The following NOX5 variants were observed in gnomAD, a reference collection of about 807,000 sequenced individuals.
The protein encoded by NOX5 is NADPH oxidase, EF-hand calcium binding domain 5.
NOX5 carries 76 observed loss-of-function variants against 85.7 expected under a neutral mutation model. The observed-to-expected ratio is 0.89, with a 90% CI of 0.74 to 1.07. The LOEUF is 1.07. NOX5 is among the 50% of genes least tolerant of loss of function. The pLI, the probability that NOX5 is intolerant of heterozygous loss-of-function variation, is 0.00. For synonymous variants in NOX5, 405 were observed against 401.4 expected (o/e 1.01, Z -0.11); for missense variants, 973 against 999.5 (o/e 0.97, Z 0.36).
At position 69,056,555 on chromosome 15, in the gene NOX5, C is replaced by T. The variant is rs1195580208; in HGVS notation, c.2167-10C>T. 2 of 1,612,006 alleles carry T rather than the reference C, an allele frequency of 1.2e-6. No individual in the cohort carries two copies. Among genetic ancestry groups the T allele is most frequent in the Non-Finnish European group, 8.5e-7 (1 of 1,179,750 alleles). On this transcript the variant is annotated splice_polypyrimidine_tract_variant and intron_variant, in intron 15 of 15. Transcript: ENST00000388866. ...TTCCCTCTTCTCTTCCTCAACCCCACTGACTCCAGGTGTTCCAGAAAGTGG... is the reference window on the plus strand; with the variant it reads ...TTCCCTCTTCTCTTCCTCAACCCCATTGACTCCAGGTGTTCCAGAAAGTGG...
At position 69,056,786 on chromosome 15, in the gene NOX5, T is replaced by A; in HGVS notation, c.*90T>A. On this transcript the variant is annotated 3_prime_UTR_variant, in exon 16 of 16. Coordinates refer to ENST00000388866, the MANE Select transcript of NOX5 (RefSeq NM_024505.4). The stretch of plus-strand genomic sequence containing the variant: ...TGCCCCCACAGGGACCAGCCTCAGA[T>A]GACCCACCCAATAAGACAAAGCCTA... 6.6e-7 allele frequency: 1 copy of A among 1,505,646 alleles called. No homozygotes were observed. Among genetic ancestry groups the A allele is most frequent in the Non-Finnish European group, 9.0e-7 (1 of 1,117,128 alleles). The allele number at this position is 1,505,646 out of a possible 1,614,324, so 93.3% of individuals were successfully genotyped here. A position where few individuals can be genotyped will look rare whatever the true frequency, so the allele number is the denominator to read the frequency against.
At chr15:69,050,812 T>C (rs1019153599) in intron 14 of NOX5, among the ~76,000 whole-genome samples, 1 of 152,208 alleles carries the variant, frequency 6.6e-6, no homozygotes, top group Non-Finnish European at 1.5e-5. Flanking sequence ...CAGCCTTTAG[T>C]GCGGGATTAA....
At chr15:69,014,894 C>A in intron 1 of NOX5, 109 bp downstream of exon 1, 1 of 834,840 alleles carries the variant, frequency 1.2e-6, no homozygotes, top group Non-Finnish European at 2.0e-6. Flanking sequence ...GGGCAGAAAT[C>A]AGAAGATCTG....
intron 5 of NOX5, 27 bp downstream of exon 5, chr15:69,033,304 T>C (rs1396054555): frequency 6.3e-7 from 1 of 1,585,214 alleles, no homozygotes; most frequent in Admixed American, 1.7e-5. Flanking sequence ...CACGGTGCTC[T>C]GAAAATGTTA....
intron 14 of NOX5, among the ~76,000 whole-genome samples, chr15:69,052,585 A>C (rs1048635023): frequency 6.6e-6 from 1 of 152,258 alleles, no homozygotes; most frequent in Non-Finnish European, 1.5e-5. Context: ...AATTATCACA[A>C]GGTTGTCATG....
At position 69,061,025 on chromosome 15, in the gene NOX5, CTCTTA is replaced by C. The variant is rs2050866502; in HGVS notation, c.*4333_*4337del. 6.6e-6 allele frequency: 1 copy of C among 152,246 alleles called. No individual in the cohort carries two copies. Among genetic ancestry groups the C allele is most frequent in the South Asian group, 2.1e-4 (1 of 4,836 alleles). 9.4% of individuals were successfully genotyped at this position (152,246 alleles called of 1,614,324 possible). A position where few individuals can be genotyped will look rare whatever the true frequency, so the allele number is the denominator to read the frequency against. On this transcript the variant is annotated 3_prime_UTR_variant, in exon 16 of 16. Coordinates refer to ENST00000388866, the MANE Select transcript of NOX5 (RefSeq NM_024505.4). ...GGCAAAGGAGGACTTGAATGTTTTC[CTCTTA>C]TCTGTTTCCTGTATTTGTGTGTTAC...
At chr15:69,020,579 T>C (rs2050284321) in intron 1 of NOX5, among the ~76,000 whole-genome samples, 2 of 151,876 alleles carry the variant, frequency 1.3e-5, no homozygotes, top group South Asian at 2.1e-4. Flanking sequence ...TTTCCATTTG[T>C]AACTGCTTTG....
At chr15:69,049,582 C>G (rs1213990442) in intron 14 of NOX5, among the ~76,000 whole-genome samples, 1 of 151,992 alleles carries the variant, frequency 6.6e-6, no homozygotes, top group African/African-American at 2.4e-5. Context: ...TAAAGGATTC[C>G]CTTCCAATTT....
intron 10 of NOX5, 124 bp downstream of exon 10, chr15:69,042,929 G>T: frequency 9.5e-7 from 1 of 1,053,986 alleles, no homozygotes; most frequent in East Asian, 2.6e-5. Flanking sequence ...GGCAGCACAA[G>T]GGGGTTAGGC....
intron 14 of NOX5, among the ~76,000 whole-genome samples, chr15:69,050,397 G>A (rs2050732233): frequency 1.3e-5 from 2 of 152,182 alleles, no homozygotes; most frequent in South Asian, 4.1e-4. Flanking sequence ...CAGGTCTGCT[G>A]GTGAGAAACT....
At position 69,031,623 on chromosome 15, in the gene NOX5, A is replaced by T. The variant is rs1487260029; in HGVS notation, c.431A>T (p.Asp144Val). Residue 144 changes from aspartate (D) to valine (V), a missense_variant, in exon 4 of 16, where the codon GAT (aspartate) becomes GTT (valine). Transcript: ENST00000388866. Reference sequence around the variant, plus strand: ...ACAGGCAGTGGCTCCATTGACCCGGATGAGCTGCGCACTGTGCTGCAGTCG... The same window carrying T: ...ACAGGCAGTGGCTCCATTGACCCGGTTGAGCTGCGCACTGTGCTGCAGTCG... ...LGTGSGSIDP[D>V]ELRTVLQSCL... 6.2e-7 allele frequency: 1 copy of T among 1,613,338 alleles called. No individual in the cohort carries two copies. The highest frequency in any genetic ancestry group is 8.5e-7 in the Non-Finnish European group (1 of 1,180,006).
At chr15:69,035,286 G>A (rs2050496827) in intron 5 of NOX5, 68 bp from the exon 6 acceptor site, 1 of 1,539,582 alleles carries the variant, frequency 6.5e-7, no homozygotes, top group Admixed American at 1.8e-5. Context: ...ATGCAGGGAG[G>A]TGGCTGGGAA....
rs2050691260 is a variant in NOX5, at chr15:69,047,552, T to A, written c.1817+15T>A. ...ATCATGTACAGGTGGGTGAACAGTGTGCTCCTGCCTGCATCCTGGGTCAGA... is the reference window on the plus strand; with the variant it reads ...ATCATGTACAGGTGGGTGAACAGTGAGCTCCTGCCTGCATCCTGGGTCAGA... On this transcript the variant is annotated intron_variant, in intron 12 of 15. Coordinates refer to ENST00000388866, the MANE Select transcript of NOX5 (RefSeq NM_024505.4). 1 of 1,609,186 alleles carries A rather than the reference T, an allele frequency of 6.2e-7. No individual in the cohort carries two copies. Among genetic ancestry groups the A allele is most frequent in the Non-Finnish European group, 8.5e-7 (1 of 1,177,684 alleles).
At position 69,035,479 on chromosome 15, in the gene NOX5, G is replaced by A; in HGVS notation, c.981G>A (p.Val327=). The change falls in exon 6 of 16, where the codon GTG becomes GTA. Residue 327 remains valine (V), a synonymous_variant. Transcript: ENST00000388866. ...ACGTGGTAGTGGGGCTGTCCCTCGT[G>A]CACACCGTGGCTCACACTGTGAACT... is the stretch of plus-strand genomic sequence containing the variant. ...MGYVVVGLSL[V]HTVAHTVNFV... is the part of the protein sequence containing the mutation. 1.2e-6 allele frequency: 2 copies of A among 1,614,172 alleles called. No individual in the cohort carries two copies. Among genetic ancestry groups the A allele is most frequent in the Non-Finnish European group, 1.7e-6 (2 of 1,180,012 alleles).
chr15:69,048,539 G>T lies in NOX5; in HGVS notation c.1900-420G>T, dbSNP rs149776187. 1.4e-3 allele frequency among the ~76,000 whole-genome samples: 211 copies of T among 150,336 alleles called. 2 individuals are homozygous for T. Among genetic ancestry groups the T allele is most frequent in the African/African-American group, 5.0e-3 (203 of 40,678 alleles). Reference sequence around the variant, plus strand: ...CAGAGTGAGACTCTGTCTCAAAAAAGAAATAATAAAAATAATAATAATAAT... The same window carrying T: ...CAGAGTGAGACTCTGTCTCAAAAAATAAATAATAAAAATAATAATAATAAT... On this transcript the variant is annotated intron_variant, in intron 13 of 15. Transcript: ENST00000388866.
rs34406284 is a variant in NOX5, at chr15:69,035,397, G to A, written c.899G>A (p.Trp300Ter). The change falls in exon 6 of 16, where the codon TGG becomes TAG. Residue 300 changes from tryptophan to a stop codon, truncating the protein, a stop_gained. Transcript: ENST00000388866. LOFTEE classifies it high-confidence loss of function. ...TGCCTCACCTGGCTGCGGGCCACGT[G>A]GCTGGCTCAAGTCCTACCACTGGAC... The part of the protein sequence containing the change: ...RRCLTWLRAT[W>*]LAQVLPLDQN... 6,941 of 1,614,168 alleles carry A rather than the reference G, an allele frequency of 4.3e-3. 274 individuals carry two copies. In the African/African-American group the frequency reaches 0.083, roughly 19 times the overall value.
At chr15:69,043,067 C>A (rs1300941046) in intron 10 of NOX5, among the ~76,000 whole-genome samples, 2 of 152,178 alleles carry the variant, frequency 1.3e-5, no homozygotes, top group Admixed American at 6.5e-5. Flanking sequence ...ATCAGAAAAT[C>A]CCATCTCCAG....
Position 69,037,211 on chromosome 15 carries a change from G to T in NOX5, c.1371+1G>T, listed in dbSNP as rs780019794. 6 of 1,612,386 alleles carry T rather than the reference G, an allele frequency of 3.7e-6. No homozygotes were observed. The highest frequency in any genetic ancestry group is 2.2e-5 in the South Asian group (2 of 90,948). ...GGAAGTCAACCTCCTCCCCTCCAAG[G>T]TACAAAGGTGGGGGATGGGGAGGTG... is the stretch of plus-strand genomic sequence containing the variant. On this transcript the variant is annotated splice_donor_variant, in intron 8 of 15. Coordinates refer to ENST00000388866, the MANE Select transcript of NOX5 (RefSeq NM_024505.4). LOFTEE classifies it high-confidence loss of function.
At chr15:69,050,084 C>T (rs1392837894) in intron 14 of NOX5, among the ~76,000 whole-genome samples, 1 of 152,158 alleles carries the variant, frequency 6.6e-6, no homozygotes, top group Non-Finnish European at 1.5e-5. Flanking sequence ...TCATATAATA[C>T]GTAGTCTGTT....
Sources: allele counts gnomAD v4.1 joint callset (sites outside exome capture counted in the v4.1 genomes callset), GRCh38; gene constraint gnomAD v4.1.1; transcripts MANE v1.5; gene names NCBI Gene and HGNC (gene_info 2026-07-23, HGNC 2026-07-21).